Variants in EYA2 observed in about 807,000 individuals in gnomAD.
EYA2 encodes EYA transcriptional coactivator and phosphatase 2.
A neutral mutation model predicts 69.2 loss-of-function variants in EYA2; 31 were observed. The observed-to-expected ratio is 0.45, with a 90% CI of 0.34 to 0.60. EYA2 has a LOEUF of 0.60. Among genes scored for constraint, EYA2 ranks in the 20% least tolerant of loss-of-function variants. EYA2 has a pLI of 0.02. For synonymous variants in EYA2, 257 were observed against 279.4 expected (o/e 0.92, Z 0.80); for missense variants, 622 against 701.2 (o/e 0.89, Z 1.28).
At chr20:46,944,654 T>C (rs1467411886) in intron 1 of EYA2, among the ~76,000 whole-genome samples, 1 of 152,220 alleles carries the variant, frequency 6.6e-6, no homozygotes, top group Non-Finnish European at 1.5e-5. Flanking sequence ...GGACCTGGCA[T>C]ATAATTCCTG....
At chr20:46,922,702 T>A (rs1985233259) in intron 1 of EYA2, among the ~76,000 whole-genome samples, 1 of 152,156 alleles carries the variant, frequency 6.6e-6, no homozygotes, top group Non-Finnish European at 1.5e-5. Flanking sequence ...ACCACTATAA[T>A]AAAGATTGGT....
At chr20:47,018,746 G>A (rs942327585) in intron 5 of EYA2, among the ~76,000 whole-genome samples, 1 of 152,222 alleles carries the variant, frequency 6.6e-6, no homozygotes, top group African/African-American at 2.4e-5. Context: ...CAGCAACCGC[G>A]TGAGGTGGGC....
chr20:47,073,832 G>A (rs2031409109), intron 6 of EYA2, among the ~76,000 whole-genome samples: 2 of 152,162 alleles, frequency 1.3e-5, no homozygotes, highest in African/African-American at 4.8e-5. Context: ...GGGAGAGGCA[G>A]TTCTGAGATG....
chr20:47,064,547 T>C (rs1568755265), intron 5 of EYA2, among the ~76,000 whole-genome samples: 1 of 152,248 alleles, frequency 6.6e-6, no homozygotes. Flanking sequence ...TGTACCTTTT[T>C]GAGGAATCAT....
At chr20:47,131,414 A>T (rs1228440122) in intron 9 of EYA2, among the ~76,000 whole-genome samples, 1 of 152,194 alleles carries the variant, frequency 6.6e-6, no homozygotes. Flanking sequence ...TTCATGGATG[A>T]TATACTCAAA....
At chr20:47,045,449 T>C (rs1052948013) in intron 5 of EYA2, among the ~76,000 whole-genome samples, 1 of 152,210 alleles carries the variant, frequency 6.6e-6, no homozygotes, top group Admixed American at 6.5e-5. Flanking sequence ...CCAGCCCATA[T>C]TCAAGGAGAG....
chr20:47,152,088 T>C (rs2033833916), intron 10 of EYA2, among the ~76,000 whole-genome samples: 1 of 152,030 alleles, frequency 6.6e-6, no homozygotes, highest in Non-Finnish European at 1.5e-5. Flanking sequence ...AGGGACCTCT[T>C]CTCGACGAAG....
chr20:46,996,872 G>T (rs1180393298), intron 2 of EYA2, among the ~76,000 whole-genome samples: 1 of 151,608 alleles, frequency 6.6e-6, no homozygotes, highest in Non-Finnish European at 1.5e-5. Flanking sequence ...AGAGAGGGGG[G>T]TGGCAAGTGC....
Position 47,095,634 on chromosome 20 carries a change from A to G in EYA2, c.805-1451A>G, listed in dbSNP as rs141944879. Among the ~76,000 whole-genome samples the G allele has an allele frequency of 2.5e-3, 387 of 152,274 alleles. 5 individuals are homozygous for G. Among genetic ancestry groups the G allele is most frequent in the Admixed American group, 0.016 (240 of 15,304 alleles). ...TACAAGGACTGAGGAACAGTGAAAT[A>G]CCAGATTTCTCATCAGTGACCCTGG... On this transcript the variant is annotated intron_variant, in intron 8 of 15. Coordinates refer to ENST00000327619, the MANE Select transcript of EYA2 (RefSeq NM_005244.5).
intron 1 of EYA2, among the ~76,000 whole-genome samples, chr20:46,930,770 G>A (rs539455121): frequency 4.0e-4 from 61 of 152,336 alleles, no homozygotes; most frequent in African/African-American, 1.3e-3. Context: ...TGGGAGGGAG[G>A]CCACATGGGA....
chr20:46,938,479 A>G (rs1223035975), intron 1 of EYA2, among the ~76,000 whole-genome samples: 5 of 152,218 alleles, frequency 3.3e-5, no homozygotes, highest in Non-Finnish European at 7.3e-5. Context: ...AGGGTCTCTC[A>G]TGAGGCTATA....
At chr20:47,176,332 A>G (rs1441828515) in intron 12 of EYA2, among the ~76,000 whole-genome samples, 1 of 152,096 alleles carries the variant, frequency 6.6e-6, no homozygotes, top group Non-Finnish European at 1.5e-5. Context: ...CACCCGTCTC[A>G]GCCTCCCAAA....
intron 3 of EYA2, among the ~76,000 whole-genome samples, chr20:47,002,346 C>T (rs553042399): frequency 6.6e-6 from 1 of 152,298 alleles, no homozygotes; most frequent in African/African-American, 2.4e-5. Flanking sequence ...CTTCCTGATG[C>T]TCTCCCTCTC....
chr20:47,054,757 G>A lies in EYA2; in HGVS notation c.416-17428G>A, dbSNP rs149472538. 1.8e-4 allele frequency among the ~76,000 whole-genome samples: 27 copies of A among 152,264 alleles called. No individual in the cohort carries two copies. In the East Asian group the frequency reaches 5.2e-3, roughly 29 times the overall value. On this transcript the variant is annotated intron_variant, in intron 5 of 15. Coordinates refer to ENST00000327619, the MANE Select transcript of EYA2 (RefSeq NM_005244.5). ...TGGGGGACATGCAGCCAGTCTCCTA[G>A]CTATGCCAGGCCCTGCTTCTGTCTC...
intron 9 of EYA2, among the ~76,000 whole-genome samples, chr20:47,140,441 T>G (rs539449047): frequency 3.5e-4 from 53 of 152,254 alleles, no homozygotes; most frequent in Non-Finnish European, 5.9e-4. Flanking sequence ...TTTCTTTCTT[T>G]TTTTTTAAGG....
chr20:46,973,576 T>A (rs1381289986), intron 1 of EYA2, among the ~76,000 whole-genome samples: 1 of 152,328 alleles, frequency 6.6e-6, no homozygotes, highest in East Asian at 1.9e-4. Context: ...AGAAGAGACT[T>A]CAAGTTTGAA....
chr20:47,084,348 G>A (rs566450426), intron 7 of EYA2, among the ~76,000 whole-genome samples: 29 of 152,200 alleles, frequency 1.9e-4, no homozygotes, highest in Admixed American at 3.9e-4. Flanking sequence ...CAAGACCAGC[G>A]TGGGCAACAT....
At chr20:47,178,407 G>A (rs1256567493) in intron 12 of EYA2, among the ~76,000 whole-genome samples, 1 of 151,824 alleles carries the variant, frequency 6.6e-6, no homozygotes, top group African/African-American at 2.4e-5. Context: ...CAGAAGATGA[G>A]ATAAAAGAGT....
Position 47,169,318 on chromosome 20 carries a change from C to A in EYA2, c.1037+121C>A, listed in dbSNP as rs2034271029. On this transcript the variant is annotated intron_variant, in intron 11 of 15. Transcript: ENST00000327619. Reference sequence around the variant, plus strand: ...TATAAGGACAAGGAGTGCCTGCCTCCAGCCAGAACTGGGACTTTTGCATCT... The same window carrying A: ...TATAAGGACAAGGAGTGCCTGCCTCAAGCCAGAACTGGGACTTTTGCATCT... The A allele has an allele frequency of 5.4e-6, 5 of 931,698 alleles. No individual in the cohort carries two copies. The Admixed American group carries it at 8.7e-5, about 16-fold the overall frequency. 57.7% of individuals were successfully genotyped at this position (931,698 alleles called of 1,614,324 possible).
Sources: gnomAD v4.1 joint callset for allele counts (sites outside exome capture counted in the v4.1 genomes callset) on GRCh38, gnomAD v4.1.1 for gene constraint, MANE v1.5 for transcripts, NCBI Gene and HGNC (gene_info 2026-07-23, HGNC 2026-07-21) for gene names.